The following KNL1 variants were observed in gnomAD, a reference collection of about 807,000 sequenced individuals.
KNL1 encodes the protein outer kinetochore KNL1 complex subunit KNL1.
KNL1 carries 66 observed loss-of-function variants against 201.3 expected under a neutral mutation model. That is an observed-to-expected ratio of 0.33 (90% CI 0.27 to 0.40). The LOEUF is 0.40. Ranked by LOEUF, KNL1 falls within the 10% of genes least tolerant of loss-of-function variation. The pLI, the probability that KNL1 is intolerant of heterozygous loss-of-function variation, is 1.00. For missense variants in KNL1, 2,815 were observed against 2,690.5 expected (o/e 1.05, Z -1.02); for synonymous variants, 895 against 899.2 (o/e 1.00, Z 0.08).
At chr15:40,610,318 C>T (rs908892783) in intron 6 of KNL1, 21 bp downstream of exon 6, 2 of 1,306,160 alleles carry the variant, frequency 1.5e-6, no homozygotes, top group South Asian at 2.5e-5. Context: ...TACTATAATT[C>T]CTGCTAAATC....
At chr15:40,651,090 T>G (rs1363930374) in intron 19 of KNL1, among the ~76,000 whole-genome samples, 11 of 150,588 alleles carry the variant, frequency 7.3e-5, no homozygotes, top group Non-Finnish European at 1.5e-4. Flanking sequence ...AAAAAAAAAC[T>G]GTGACATGTC....
At chr15:40,646,937 A>C (rs757544732) in intron 16 of KNL1, 50 bp from the exon 17 acceptor site, 2 of 792,938 alleles carry the variant, frequency 2.5e-6, no homozygotes, top group Non-Finnish European at 4.5e-6. Flanking sequence ...ACCATTTATA[A>C]TATTTTCTTT....
chr15:40,628,704 T>C, intron 12 of KNL1, 26 bp downstream of exon 12: 1 of 1,448,560 alleles, frequency 6.9e-7, no homozygotes, highest in Non-Finnish European at 9.5e-7. Context: ...TTTTCTTTTT[T>C]TTATTTATAA....
At chr15:40,647,111 A>G (rs1344722975) in intron 17 of KNL1, 37 bp downstream of exon 17, 2 of 1,011,524 alleles carry the variant, frequency 2.0e-6, no homozygotes, top group East Asian at 4.8e-5. Flanking sequence ...AAGAAAATTT[A>G]ATTTTATCTA....
chr15:40,617,754 C>T (rs997423606), intron 8 of KNL1, among the ~76,000 whole-genome samples: 5 of 151,932 alleles, frequency 3.3e-5, no homozygotes, highest in South Asian at 2.1e-4. Context: ...GATACTCCTC[C>T]TTGAGGAGCA....
chr15:40,643,019 G>A (rs530148472), intron 14 of KNL1: 5 of 152,202 alleles, frequency 3.3e-5, no homozygotes, highest in South Asian at 4.2e-4. Context: ...CTGTATGCCT[G>A]CATATATCCT....
chr15:40,628,599 C>G lies in KNL1; in HGVS notation c.5516-12C>G. 1 of 1,577,548 alleles carries G rather than the reference C, an allele frequency of 6.3e-7. No homozygotes were observed. The highest frequency in any genetic ancestry group is 8.6e-7 in the Non-Finnish European group (1 of 1,157,056). Reference sequence around the variant, plus strand: ...TTGACTTGTTCGTCACCAGAATTTGCTTTACTTCTAGCTTACCGCAGTAGT... The same window carrying G: ...TTGACTTGTTCGTCACCAGAATTTGGTTTACTTCTAGCTTACCGCAGTAGT... On this transcript the variant is annotated splice_polypyrimidine_tract_variant and intron_variant, in intron 11 of 25. Transcript: ENST00000399668.
intron 3 of KNL1, among the ~76,000 whole-genome samples, chr15:40,605,490 C>CGCCCAGGCTGGAGCGCAGTGGTGA (rs1891942224): frequency 6.6e-6 from 1 of 152,132 alleles, no homozygotes; most frequent in Non-Finnish European, 1.5e-5. Context: ...CTCGCTCTGT[C>CGCCCAGGCTGGAGCGCAGTGGTGA]GCCCAGGCTG....
At chr15:40,602,330 G>T (rs1891830586) in intron 1 of KNL1, among the ~76,000 whole-genome samples, 1 of 150,052 alleles carries the variant, frequency 6.7e-6, no homozygotes, top group Non-Finnish European at 1.5e-5. Flanking sequence ...TAGAGACGGG[G>T]TTTCACCGTG....
intron 4 of KNL1, among the ~76,000 whole-genome samples, chr15:40,606,975 G>C (rs1305554844): frequency 6.6e-6 from 1 of 152,176 alleles, no homozygotes; most frequent in Non-Finnish European, 1.5e-5. Flanking sequence ...CCCCACGCTG[G>C]TCTTGAACTC....
intron 14 of KNL1, among the ~76,000 whole-genome samples, chr15:40,644,124 A>G (rs963544770): frequency 8.5e-5 from 13 of 152,252 alleles, no homozygotes; most frequent in Non-Finnish European, 1.9e-4. Flanking sequence ...GAGTTCCCTC[A>G]GTTTTTATTG....
chr15:40,607,448 A>G (rs1248798665), intron 4 of KNL1, among the ~76,000 whole-genome samples: 3 of 152,218 alleles, frequency 2.0e-5, no homozygotes, highest in Non-Finnish European at 4.4e-5. Flanking sequence ...GCTTTGATGC[A>G]GAGGGGTTAC....
rs773960360 is a variant in KNL1 at position 40,622,699 on chromosome 15, C to A, written c.2435C>A (p.Pro812His). 1.3e-6 allele frequency: 2 copies of A among 1,588,676 alleles called. No homozygotes were observed. The highest frequency in any genetic ancestry group is 1.7e-6 in the Non-Finnish European group (2 of 1,170,790). Reference sequence around the variant, plus strand: ...AAAGTTGAAAAATGTGGTAAAAGTCCCATAGAAAAAAGTGGAGTGCTTAAA... The same window carrying A: ...AAAGTTGAAAAATGTGGTAAAAGTCACATAGAAAAAAGTGGAGTGCTTAAA... ...AVKVEKCGKS[P>H]IEKSGVLKSN... Residue 812 changes from proline to histidine, a missense_variant, in exon 10 of 26, where the codon CCC becomes CAC. By Grantham distance (77) the Pro-to-His change is moderately conservative (BLOSUM62 -2). Around this residue, in one of 3 missense-constraint regions of KNL1, gnomAD observed 2,464 missense variants for 2,291.7 expected, o/e 1.08. Coordinates refer to ENST00000399668, the MANE Select transcript of KNL1 (RefSeq NM_144508.5).
At chr15:40,601,052 C>G (rs545648252) in intron 1 of KNL1, among the ~76,000 whole-genome samples, 1 of 152,190 alleles carries the variant, frequency 6.6e-6, no homozygotes, top group Non-Finnish European at 1.5e-5. Flanking sequence ...CCCCCTGGGC[C>G]GTGGAACGGT....
chr15:40,628,451 A>T (rs1892813154), intron 11 of KNL1, among the ~76,000 whole-genome samples, 160 bp from the exon 12 acceptor site: 1 of 152,210 alleles, frequency 6.6e-6, no homozygotes, highest in Non-Finnish European at 1.5e-5. Context: ...GAAACACTGG[A>T]GCCTTAAAAC....
intron 9 of KNL1, 82 bp downstream of exon 9, chr15:40,619,093 A>G: frequency 1.0e-6 from 1 of 961,398 alleles, no homozygotes; most frequent in Non-Finnish European, 1.7e-6. Context: ...ATAATGGCAT[A>G]GTTTAGGGAT....
intron 25 of KNL1, among the ~76,000 whole-genome samples, 164 bp from the exon 26 acceptor site, chr15:40,661,910 A>G (rs1893920478): frequency 6.6e-6 from 1 of 152,022 alleles, no homozygotes; most frequent in Non-Finnish European, 1.5e-5. Flanking sequence ...GCGTGGTGGC[A>G]GGCGCCTGTA....
Position 40,594,316 on chromosome 15 carries a change from C to T in KNL1, c.-94C>T, listed in dbSNP as rs1189633999. 6.6e-6 allele frequency: 1 copy of T among 152,274 alleles called. No homozygotes were observed. The highest frequency in any genetic ancestry group is 2.4e-5 in the African/African-American group (1 of 41,454). The allele number at this position is 152,274 out of a possible 1,614,324, so 9.4% of individuals were successfully genotyped here. On this transcript the variant is annotated 5_prime_UTR_variant, in exon 1 of 26. Coordinates refer to ENST00000399668, the MANE Select transcript of KNL1 (RefSeq NM_144508.5). ...GACTGCTAGAGGCGGCTGTCTGTTT[C>T]CGCTCTAAGGAAACTCAGAGCGTGT...
chr15:40,615,947 A>G (rs1335590053), intron 8 of KNL1: 1 of 146,352 alleles, frequency 6.8e-6, no homozygotes, highest in Non-Finnish European at 1.5e-5. Flanking sequence ...TTGTATTTTT[A>G]GTAGAGACAG....
Sources: allele counts gnomAD v4.1 joint callset (sites outside exome capture counted in the v4.1 genomes callset), GRCh38; gene constraint gnomAD v4.1.1; regional missense constraint gnomAD v4.1.1; transcripts MANE v1.5; gene names NCBI Gene and HGNC (gene_info 2026-07-23, HGNC 2026-07-21).